DCAF5: variants seen among roughly 807,000 people sequenced by gnomAD.
The protein encoded by DCAF5 is DDB1 and CUL4 associated factor 5.
A neutral mutation model predicts 80.7 loss-of-function variants in DCAF5; 9 were observed. The observed-to-expected ratio is 0.11, with a 90% CI of 0.07 to 0.19. The LOEUF (loss-of-function observed/expected upper bound fraction) is 0.19, where lower values mean the gene tolerates loss of function less well. Ranked by LOEUF, DCAF5 falls within the 10% of genes least tolerant of loss-of-function variation. DCAF5 has a pLI of 1.00. For missense variants in DCAF5, 842 were observed against 1,205.7 expected, an observed-to-expected ratio of 0.70 and a Z score of 4.47; for synonymous variants, 433 against 461.9, an observed-to-expected ratio of 0.94 and a Z score of 0.80.
Position 69,152,998 on chromosome 14 carries a change from C to CCGG in DCAF5, c.-21_-20insCCG. 6.5e-7 allele frequency: 1 copy of CCGG among 1,536,906 alleles called. No individual in the cohort carries two copies. The highest frequency in any genetic ancestry group is 8.7e-7 in the Non-Finnish European group (1 of 1,147,988). On this transcript the variant is annotated 5_prime_UTR_variant, in exon 1 of 9. Transcript: ENST00000341516. This position sits in a 1 kb window ranked among gnomAD's most constrained non-coding sequence, Gnocchi z 4.1. ...CTTCATGCTGGAACCGCCGCCGCCG[C>CCGG]CGCTCGCGCCGCCGCCCCTCCCTCG...
At chr14:69,079,124 TAAG>T (rs2039008015) in intron 6 of DCAF5, among the ~76,000 whole-genome samples, 2 of 152,176 alleles carry the variant, frequency 1.3e-5, no homozygotes, top group Admixed American at 6.5e-5. Flanking sequence ...AAGTAATATT[TAAG>T]AAGAGTGAGC....
At chr14:69,131,426 T>C (rs1019114921) in intron 1 of DCAF5, among the ~76,000 whole-genome samples, 1 of 151,828 alleles carries the variant, frequency 6.6e-6, no homozygotes, top group Non-Finnish European at 1.5e-5. Flanking sequence ...AGAGGCACAG[T>C]CTGTGTGACA....
chr14:69,063,830 C>T (rs2038328327), intron 7 of DCAF5, among the ~76,000 whole-genome samples: 1 of 152,184 alleles, frequency 6.6e-6, no homozygotes, highest in Admixed American at 6.5e-5. Context: ...AGACTGCACC[C>T]ATCTACTCAC....
intron 2 of DCAF5, among the ~76,000 whole-genome samples, chr14:69,120,293 T>C (rs757125363): frequency 6.6e-6 from 1 of 151,922 alleles, no homozygotes; most frequent in Non-Finnish European, 1.5e-5. Flanking sequence ...CATGTTGGGG[T>C]CTAACTATGT....
At chr14:69,128,866 C>T (rs921785828) in intron 1 of DCAF5, among the ~76,000 whole-genome samples, 1 of 151,928 alleles carries the variant, frequency 6.6e-6, no homozygotes, top group Non-Finnish European at 1.5e-5. Flanking sequence ...ATCCGTAATC[C>T]CAGTACTTTG....
In DCAF5 at chr14:69,152,859, GC is replaced by G. The variant is rs1357795011; in HGVS notation, c.119del (p.Gly40AlafsTer57). The G allele has an allele frequency of 6.2e-7, 1 of 1,614,040 alleles. No individual in the cohort carries two copies. Among genetic ancestry groups the G allele is most frequent in the Non-Finnish European group, 8.5e-7 (1 of 1,180,006 alleles). On this transcript the variant is annotated frameshift_variant, in exon 1 of 9. Coordinates refer to ENST00000341516, the MANE Select transcript of DCAF5 (RefSeq NM_003861.3). LOFTEE classifies it high-confidence loss of function. The surrounding 1 kb of genome is among the most constrained non-coding windows in gnomAD (Gnocchi z 4.1). ...TQDFQRRRLR[G>X]CRNLYKKDLL... ...GGTCCTTCTTGTAGAGGTTTCTGCA[GC>G]CCCGCAGGCGTCTCCTCTGAAAGTC...
intron 1 of DCAF5, among the ~76,000 whole-genome samples, chr14:69,141,519 A>G (rs1373444083): frequency 1.3e-5 from 2 of 152,094 alleles, no homozygotes; most frequent in African/African-American, 4.8e-5. Context: ...CCACCCCACA[A>G]CAGGCCCCAG....
At position 69,146,572 on chromosome 14, in the gene DCAF5, GA is replaced by G. The variant is rs371646936; in HGVS notation, c.214+6192del. ...CTGTATTAAGTATAGCAAACCAGAG[GA>G]AAAAAAAATCTATTAAAGTATCATA... On this transcript the variant is annotated intron_variant, in intron 1 of 8. Transcript: ENST00000341516. Among the ~76,000 whole-genome samples, 217 of 150,596 alleles carry G rather than the reference GA, an allele frequency of 1.4e-3. 5 individuals carry two copies. In the South Asian group the frequency reaches 0.029, roughly 20 times the overall value.
At chr14:69,101,662 AT>A (rs1480964484) in intron 5 of DCAF5, among the ~76,000 whole-genome samples, 1 of 152,228 alleles carries the variant, frequency 6.6e-6, no homozygotes, top group Non-Finnish European at 1.5e-5. Context: ...TTGTTAGGCA[AT>A]TTTGTTGTGT....
At chr14:69,073,739 G>T (rs139127121) in intron 7 of DCAF5, among the ~76,000 whole-genome samples, 1 of 152,254 alleles carries the variant, frequency 6.6e-6, no homozygotes, top group African/African-American at 2.4e-5. Context: ...CTATTCAAAC[G>T]TGAAAAACAT....
At chr14:69,119,700 G>T in intron 2 of DCAF5, among the ~76,000 whole-genome samples, 1 of 72,098 alleles carries the variant, frequency 1.4e-5, no homozygotes, top group Non-Finnish European at 2.9e-5. Context: ...GAGAGAGACT[G>T]TCTCAAAAAA....
intron 5 of DCAF5, among the ~76,000 whole-genome samples, chr14:69,106,138 C>T (rs2040149262): frequency 6.6e-6 from 1 of 151,208 alleles, no homozygotes; most frequent in Admixed American, 6.6e-5. Flanking sequence ...CTCACTGCAA[C>T]CTCTGCCTCC....
At chr14:69,137,090 T>C (rs1182318263) in intron 1 of DCAF5, among the ~76,000 whole-genome samples, 1 of 152,188 alleles carries the variant, frequency 6.6e-6, no homozygotes, top group African/African-American at 2.4e-5. Context: ...TACATAATAG[T>C]TGTTTAAATT....
chr14:69,105,910 C>T (rs114478612), intron 5 of DCAF5, among the ~76,000 whole-genome samples: 830 of 28,756 alleles, frequency 0.029, 45 homozygotes, highest in African/African-American at 0.052. Flanking sequence ...CCCTAATAAA[C>T]TGTCATATAT....
At position 69,122,329 on chromosome 14, in the gene DCAF5, G is replaced by A; in HGVS notation, c.246C>T (p.His82=). Residue 82 remains histidine (H), a synonymous_variant, in exon 2 of 9, where the codon CAC becomes CAT. Transcript: ENST00000341516. ...GGDDRRVLLW[H]MEQAIHSRVK... ...CCCTGGAGTGGATGGCTTGTTCCAT[G>A]TGCCATAGCAGAACCCGGCGGTCAT... 2 of 1,613,128 alleles carry A rather than the reference G, an allele frequency of 1.2e-6. No homozygotes were observed. Among genetic ancestry groups the A allele is most frequent in the Non-Finnish European group, 1.7e-6 (2 of 1,179,228 alleles).
chr14:69,116,336 T>A, intron 5 of DCAF5, 30 bp downstream of exon 5: 2 of 1,600,824 alleles, frequency 1.2e-6, no homozygotes. Flanking sequence ...CAGAGGAAAG[T>A]TTTAACACCT....
chr14:69,091,182 G>A (rs2039521361), intron 6 of DCAF5: 1 of 713,256 alleles, frequency 1.4e-6, no homozygotes, highest in Non-Finnish European at 2.6e-6. Context: ...AAAAGAGTCA[G>A]CATCTGGCTC....
intron 1 of DCAF5, among the ~76,000 whole-genome samples, chr14:69,133,409 T>C (rs1485874227): frequency 1.3e-5 from 2 of 152,220 alleles, no homozygotes; most frequent in African/African-American, 4.8e-5. Flanking sequence ...TTGCCAGTTG[T>C]TGCCATAGAG....
chr14:69,058,297 T>C (rs570940068), intron 8 of DCAF5, among the ~76,000 whole-genome samples: 2 of 151,790 alleles, frequency 1.3e-5, no homozygotes, highest in South Asian at 4.2e-4. Context: ...GGCGGGTAGA[T>C]CACTTGAGGT....
Sources: gnomAD v4.1 joint callset for allele counts (sites outside exome capture counted in the v4.1 genomes callset) on GRCh38, gnomAD v4.1.1 for gene constraint, Gnocchi (gnomAD v3.1) non-coding constraint, MANE v1.5 for transcripts, NCBI Gene and HGNC (gene_info 2026-07-23, HGNC 2026-07-21) for gene names.